Variants in KIF26B observed in about 807,000 individuals in gnomAD.
The protein encoded by KIF26B is kinesin family member 26B.
Under a neutral mutation model 151.2 loss-of-function variants are expected in KIF26B, and 63 were observed. The observed-to-expected ratio is 0.42, with a 90% confidence interval of 0.34 to 0.51. The LOEUF (loss-of-function observed/expected upper bound fraction) is 0.51. Among genes scored for constraint, KIF26B ranks in the 20% least tolerant of loss-of-function variants. KIF26B has a pLI of 0.07. For synonymous variants in KIF26B, 1,357 were observed against 1,262.1 expected, an observed-to-expected ratio of 1.08 and a Z score of -1.59; for missense variants, 2,813 against 2,913.6, an observed-to-expected ratio of 0.97 and a Z score of 0.79.
intron 2 of KIF26B, among the ~76,000 whole-genome samples, chr1:245,299,950 G>A (rs1246144603): frequency 6.6e-6 from 1 of 152,208 alleles, no homozygotes. Context: ...AGAGCTTCCT[G>A]GGAACATCTC....
At chr1:245,522,098 T>A (rs544964000) in intron 4 of KIF26B, among the ~76,000 whole-genome samples, 2 of 152,168 alleles carry the variant, frequency 1.3e-5, no homozygotes, top group Non-Finnish European at 2.9e-5. Flanking sequence ...CTCGATCTCC[T>A]GACCTCATGA....
At position 245,166,471 on chromosome 1, in the gene KIF26B, C is replaced by G. The variant is rs1457302623; in HGVS notation, c.465+9788C>G. ...GCTCAGTGGATGTAAATAGCGACTC[C>G]TTTGGGTTGAGGTGCCATGAATATG... is the stretch of plus-strand genomic sequence containing the variant. On this transcript the variant is annotated intron_variant, in intron 2 of 14. Transcript: ENST00000407071. This position sits in a 1 kb window ranked among gnomAD's most constrained non-coding sequence, Gnocchi z 4.5. Among the ~76,000 whole-genome samples, 1 of 152,180 alleles carries G rather than the reference C, an allele frequency of 6.6e-6. No individual in the cohort carries two copies. Among genetic ancestry groups the G allele is most frequent in the Admixed American group, 6.5e-5 (1 of 15,280 alleles).
rs2103118708 is a variant in KIF26B, at chr1:245,564,373, C to T, written c.1350+23423C>T. Among the ~76,000 whole-genome samples, 1 of 152,218 alleles carries T rather than the reference C, an allele frequency of 6.6e-6. No individual in the cohort carries two copies. Among genetic ancestry groups the T allele is most frequent in the East Asian group, 1.9e-4 (1 of 5,186 alleles). On this transcript the variant is annotated intron_variant, in intron 5 of 14. Coordinates refer to ENST00000407071, the MANE Select transcript of KIF26B (RefSeq NM_018012.4). The surrounding 1 kb of genome is among the most constrained non-coding windows in gnomAD (Gnocchi z 4.6). ...CTCTTCTACGACACGGAGACCTTTC[C>T]CGGAGCAGGAACGGGGCCACGGCCG...
chr1:245,303,139 C>T (rs1483974988), intron 2 of KIF26B, among the ~76,000 whole-genome samples: 1 of 151,288 alleles, frequency 6.6e-6, no homozygotes, highest in African/African-American at 2.4e-5. Context: ...CTTTACTTTG[C>T]TGCACCTGAA....
chr1:245,502,908 C>G (rs1468818934), intron 4 of KIF26B, among the ~76,000 whole-genome samples: 1 of 150,520 alleles, frequency 6.6e-6, no homozygotes, highest in Non-Finnish European at 1.5e-5. Context: ...GTTGCCCAGG[C>G]TGGAGTGCAA....
intron 10 of KIF26B, 65 bp from the exon 11 acceptor site, chr1:245,684,168 G>A (rs2044475983): frequency 6.4e-7 from 1 of 1,560,264 alleles, no homozygotes; most frequent in Non-Finnish European, 8.7e-7. Flanking sequence ...CAGGCCTGAA[G>A]CCCTGCCCTG....
intron 2 of KIF26B, among the ~76,000 whole-genome samples, chr1:245,164,529 G>A (rs966231991): frequency 2.0e-5 from 3 of 152,226 alleles, no homozygotes; most frequent in Non-Finnish European, 4.4e-5. Flanking sequence ...GTGGCGAAGC[G>A]TAAGCGTTCC....
chr1:245,537,508 A>T (rs1398285408), intron 4 of KIF26B, among the ~76,000 whole-genome samples: 1 of 152,198 alleles, frequency 6.6e-6, no homozygotes, highest in African/African-American at 2.4e-5. Flanking sequence ...AGTACAGAAG[A>T]TGGCAGACAA....
chr1:245,281,925 T>C (rs766865530), intron 2 of KIF26B, among the ~76,000 whole-genome samples: 5,998 of 150,836 alleles, frequency 0.04, 131 homozygotes, highest in African/African-American at 0.061. Flanking sequence ...AGATATGCGG[T>C]GTTATTTCTG....
At chr1:245,535,808 ACTT>A (rs1661476690) in intron 4 of KIF26B, among the ~76,000 whole-genome samples, 1 of 152,184 alleles carries the variant, frequency 6.6e-6, no homozygotes, top group Non-Finnish European at 1.5e-5. Context: ...TGGCTCTACT[ACTT>A]ATTATTTATT....
At chr1:245,405,555 C>T (rs1367493034) in intron 3 of KIF26B, among the ~76,000 whole-genome samples, 1 of 152,000 alleles carries the variant, frequency 6.6e-6, no homozygotes, top group Non-Finnish European at 1.5e-5. Flanking sequence ...GGCTAACCTA[C>T]AGAGACTCTC....
chr1:245,311,625 A>T (rs572116200), intron 2 of KIF26B, among the ~76,000 whole-genome samples: 1 of 152,082 alleles, frequency 6.6e-6, no homozygotes, highest in Admixed American at 6.6e-5. Context: ...AATAAAAATA[A>T]TAAATAAATA....
chr1:245,586,247 T>C (rs922591818), intron 5 of KIF26B, among the ~76,000 whole-genome samples: 3 of 151,852 alleles, frequency 2.0e-5, no homozygotes, highest in Non-Finnish European at 4.4e-5. Context: ...TTCAAACTCC[T>C]GGCCTAAAGC....
Position 245,239,019 on chromosome 1 carries a change from G to A in KIF26B, c.465+82336G>A, listed in dbSNP as rs1002239984. ...TTTGAGGAGCTCTTGATATGGAGAC[G>A]TGGTTTCTTACGTCTAATTTCGTTT... On this transcript the variant is annotated intron_variant, in intron 2 of 14. Transcript: ENST00000407071. This position sits in a 1 kb window ranked among gnomAD's most constrained non-coding sequence, Gnocchi z 4.3. Among the ~76,000 whole-genome samples the A allele has an allele frequency of 6.6e-6, 1 of 152,162 alleles. No homozygotes were observed. Among genetic ancestry groups the A allele is most frequent in the Admixed American group, 6.5e-5 (1 of 15,272 alleles).
chr1:245,264,061 T>C (rs1194495035), intron 2 of KIF26B, among the ~76,000 whole-genome samples: 3 of 152,206 alleles, frequency 2.0e-5, no homozygotes, highest in African/African-American at 7.2e-5. Context: ...TACAAACACA[T>C]GCAAAACTGA....
chr1:245,162,454 C>G (rs1368186041), intron 2 of KIF26B, among the ~76,000 whole-genome samples: 1 of 132,712 alleles, frequency 7.5e-6, no homozygotes, highest in Non-Finnish European at 1.5e-5. Flanking sequence ...GGCGTGATCT[C>G]GGCTCACTGC....
chr1:245,702,488 C>T lies in KIF26B; in HGVS notation c.6209C>T (p.Ser2070Phe), dbSNP rs1553308032. 3.1e-6 allele frequency: 5 copies of T among 1,613,910 alleles called. No homozygotes were observed. The highest frequency in any genetic ancestry group is 1.7e-6 in the Non-Finnish European group (2 of 1,179,870). The stretch of plus-strand genomic sequence containing the variant: ...TTGGAGCAGGTTTGGGAGCTGGATT[C>T]CCTGGAGTACCTGGAGGCACTGGAG... ...FDLEQVWELD[S>F]LEYLEALECV... The change falls in exon 15 of 15, where the codon TCC becomes TTC. Residue 2070 changes from serine (S) to phenylalanine (F), a missense_variant. By Grantham distance (155) the Ser-to-Phe change is radical. Coordinates refer to ENST00000407071, the MANE Select transcript of KIF26B (RefSeq NM_018012.4). This position sits in a 1 kb window ranked among gnomAD's most constrained non-coding sequence, Gnocchi z 4.1.
At chr1:245,201,017 A>G (rs1669291757) in intron 2 of KIF26B, among the ~76,000 whole-genome samples, 1 of 152,206 alleles carries the variant, frequency 6.6e-6, no homozygotes, top group African/African-American at 2.4e-5. Flanking sequence ...TTTCTTTAGA[A>G]CAACCCTAAA....
chr1:245,522,075 T>C (rs554431595), intron 4 of KIF26B, among the ~76,000 whole-genome samples: 43 of 152,242 alleles, frequency 2.8e-4, no homozygotes, highest in East Asian at 1.2e-3. Flanking sequence ...TTCACCGTGT[T>C]AGCCAGGATG....
Sources: allele counts gnomAD v4.1 joint callset (sites outside exome capture counted in the v4.1 genomes callset), GRCh38; gene constraint gnomAD v4.1.1; non-coding constraint Gnocchi (gnomAD v3.1); transcripts MANE v1.5; gene names NCBI Gene and HGNC (gene_info 2026-07-23, HGNC 2026-07-21).